PPARGC1A: variants seen among roughly 807,000 people sequenced by gnomAD.
PPARGC1A encodes PPARG coactivator 1 alpha, also known as peroxisome proliferator-activated receptor gamma coactivator 1-alpha.
Under a neutral mutation model 88.7 loss-of-function variants are expected in PPARGC1A, and 25 were observed. The observed-to-expected ratio is 0.28, with a 90% CI of 0.21 to 0.39. The LOEUF (loss-of-function observed/expected upper bound fraction) is 0.39. Among genes scored for constraint, PPARGC1A ranks in the 10% least tolerant of loss-of-function variants. The pLI, the probability that PPARGC1A is intolerant of heterozygous loss-of-function variation, is 1.00. For synonymous variants in PPARGC1A, 363 were observed against 355.6 expected (o/e 1.02, Z -0.24); for missense variants, 880 against 968.7 (o/e 0.91, Z 1.22).
the PPARGC1A span, among the ~76,000 whole-genome samples, chr4:24,016,239 GA>G: frequency 6.6e-6 from 1 of 152,176 alleles, no homozygotes; most frequent in Non-Finnish European, 1.5e-5. Flanking sequence ...AGGGCTCATG[GA>G]AAAGGAAAAT....
chr4:23,880,346 T>A (rs1328134206), intron 2 of PPARGC1A, among the ~76,000 whole-genome samples: 1 of 152,196 alleles, frequency 6.6e-6, no homozygotes, highest in Non-Finnish European at 1.5e-5. Flanking sequence ...ATCTTCACAT[T>A]ACCTAACGCA....
At chr4:24,091,581 T>C in the PPARGC1A span, 1 of 985,344 alleles carries the variant, frequency 1.0e-6, no homozygotes, top group South Asian at 4.7e-5. Context: ...CGGCTGTTAC[T>C]CTCTCTCCTT....
the PPARGC1A span, among the ~76,000 whole-genome samples, chr4:23,924,299 T>G: frequency 1.3e-5 from 2 of 152,312 alleles, no homozygotes; most frequent in Admixed American, 1.3e-4. Context: ...CAGCACTCCT[T>G]GAAGGAACGG....
the PPARGC1A span, among the ~76,000 whole-genome samples, chr4:24,287,511 T>C: frequency 2.6e-5 from 4 of 152,208 alleles, no homozygotes; most frequent in African/African-American, 9.6e-5. Flanking sequence ...TGTCCATCTT[T>C]CAGGAGTGCT....
chr4:24,198,658 C>G, the PPARGC1A span, among the ~76,000 whole-genome samples: 1 of 152,160 alleles, frequency 6.6e-6, no homozygotes, highest in Non-Finnish European at 1.5e-5. Flanking sequence ...TTGGGTTCCT[C>G]GAGCCTAAGG....
intron 2 of PPARGC1A, among the ~76,000 whole-genome samples, chr4:23,843,937 A>T (rs1451047871): frequency 1.3e-5 from 2 of 152,024 alleles, no homozygotes; most frequent in African/African-American, 4.8e-5. Flanking sequence ...CATATACATA[A>T]GTATACATAT....
chr4:23,823,708 T>G (rs1723414793), intron 7 of PPARGC1A, among the ~76,000 whole-genome samples: 1 of 152,106 alleles, frequency 6.6e-6, no homozygotes, highest in Non-Finnish European at 1.5e-5. Context: ...TGTACATATG[T>G]GTGAGTCTGC....
At chr4:24,176,880 A>C in the PPARGC1A span, among the ~76,000 whole-genome samples, 1 of 152,162 alleles carries the variant, frequency 6.6e-6, no homozygotes, top group Non-Finnish European at 1.5e-5. Context: ...GAAACCAGTT[A>C]AAGGTTCTCA....
the PPARGC1A span, among the ~76,000 whole-genome samples, chr4:24,036,374 G>A: frequency 1.2e-4 from 19 of 152,114 alleles, no homozygotes; most frequent in Admixed American, 1.2e-3. Context: ...CTATAATCCT[G>A]AAATTGCACT....
At chr4:24,025,208 T>C in the PPARGC1A span, among the ~76,000 whole-genome samples, 31,455 of 152,102 alleles carry the variant, frequency 0.21, 3,820 homozygotes, top group East Asian at 0.31. Context: ...TGTCTTTTCT[T>C]CAGGTGCTCA....
chr4:23,809,952 T>C (rs1335050176), intron 10 of PPARGC1A, among the ~76,000 whole-genome samples: 1 of 152,164 alleles, frequency 6.6e-6, no homozygotes, highest in African/African-American at 2.4e-5. Context: ...CCCCTTATAA[T>C]AGCACTTATC....
chr4:24,435,926 G>A, the PPARGC1A span, among the ~76,000 whole-genome samples: 1 of 152,080 alleles, frequency 6.6e-6, no homozygotes, highest in Non-Finnish European at 1.5e-5. Flanking sequence ...CGCTAATACT[G>A]AGCTGTTAAA....
the PPARGC1A span, among the ~76,000 whole-genome samples, chr4:23,975,934 G>C: frequency 3.3e-5 from 5 of 152,202 alleles, no homozygotes; most frequent in Non-Finnish European, 5.9e-5. Context: ...AGTAACTACT[G>C]GATATGGTTG....
intron 11 of PPARGC1A, among the ~76,000 whole-genome samples, 154 bp downstream of exon 11, chr4:23,802,070 A>G (rs915398789): frequency 2.2e-4 from 33 of 152,336 alleles, no homozygotes; most frequent in African/African-American, 7.7e-4. Context: ...AGAAAGATTA[A>G]TAAACAGGGA....
At chr4:24,027,223 GTGTCTGTGTGTGTC>G in the PPARGC1A span, among the ~76,000 whole-genome samples, 2 of 120,662 alleles carry the variant, frequency 1.7e-5, no homozygotes, top group African/African-American at 5.6e-5. Flanking sequence ...GTGTGTCTGT[GTGTCTGTGTGTGTC>G]TGTGTGTGTG....
chr4:24,082,221 C>G, the PPARGC1A span, among the ~76,000 whole-genome samples: 11 of 152,280 alleles, frequency 7.2e-5, no homozygotes, highest in African/African-American at 2.2e-4. Context: ...AGTAAATTGT[C>G]TGTTTCCCCA....
chr4:24,328,339 A>G, the PPARGC1A span, among the ~76,000 whole-genome samples: 1 of 151,478 alleles, frequency 6.6e-6, no homozygotes, highest in South Asian at 2.1e-4. Context: ...GAGCATGAAA[A>G]TTCTGTCAGC....
intron 12 of PPARGC1A, among the ~76,000 whole-genome samples, chr4:23,796,659 C>CAA (rs763037064): frequency 3.9e-5 from 6 of 152,052 alleles, no homozygotes; most frequent in Non-Finnish European, 7.4e-5. Context: ...ATATAGAAAG[C>CAA]AAAGTAAAAT....
chr4:24,185,145 T>A, the PPARGC1A span, among the ~76,000 whole-genome samples: 4,770 of 152,282 alleles, frequency 0.031, 164 homozygotes, highest in African/African-American at 0.081. Context: ...AATGAAATCA[T>A]CAGATGTACC....
Sources: gnomAD v4.1 joint callset for allele counts (sites outside exome capture counted in the v4.1 genomes callset) on GRCh38, gnomAD v4.1.1 for gene constraint, MANE v1.5 for transcripts, NCBI Gene and HGNC (gene_info 2026-07-23, HGNC 2026-07-21) for gene names.